The following LRP1B variants were observed in gnomAD, a reference collection of about 807,000 sequenced individuals.
LRP1B encodes the protein LDL receptor related protein 1B.
LRP1B carries 217 observed loss-of-function variants against 556.6 expected under a neutral mutation model. That is an observed-to-expected ratio of 0.39 (90% CI 0.35 to 0.44). LRP1B has a LOEUF of 0.44. Ranked by LOEUF, LRP1B falls within the 20% of genes least tolerant of loss-of-function variation. The pLI, the probability that LRP1B is intolerant of heterozygous loss-of-function variation, is 1.00. For missense variants in LRP1B, 5,053 were observed against 5,620.8 expected (o/e 0.90, Z 3.23); for synonymous variants, 2,047 against 1,865.8 (o/e 1.10, Z -2.50).
chr2:140,894,529 A>C (rs1195065291), intron 23 of LRP1B, among the ~76,000 whole-genome samples: 2 of 105,088 alleles, frequency 1.9e-5, no homozygotes, highest in African/African-American at 2.7e-5. Context: ...AGCCCTGAAG[A>C]CCAAAAAAAA....
At chr2:141,065,429 G>A (rs1268375428) in intron 7 of LRP1B, among the ~76,000 whole-genome samples, 4 of 151,900 alleles carry the variant, frequency 2.6e-5, no homozygotes, top group Non-Finnish European at 5.9e-5. Flanking sequence ...TTCTGATTCA[G>A]AATCTAATTG....
intron 3 of LRP1B, among the ~76,000 whole-genome samples, chr2:141,429,064 G>C (rs1680474053): frequency 6.6e-6 from 1 of 152,050 alleles, no homozygotes; most frequent in Admixed American, 6.5e-5. Context: ...TTACCATACA[G>C]AAGAAAAATT....
chr2:140,903,942 G>T (rs190815245), intron 22 of LRP1B, among the ~76,000 whole-genome samples: 20 of 151,860 alleles, frequency 1.3e-4, no homozygotes, highest in Admixed American at 1.2e-3. Flanking sequence ...TTACACATAT[G>T]ATTACATATA....
At chr2:141,924,212 G>A (rs1030234465) in intron 1 of LRP1B, among the ~76,000 whole-genome samples, 6 of 151,926 alleles carry the variant, frequency 3.9e-5, no homozygotes, top group South Asian at 4.1e-4. Flanking sequence ...ATGGCAGAAC[G>A]GTGTAGCAGG....
At chr2:140,298,771 A>G (rs1300486088) in intron 83 of LRP1B, among the ~76,000 whole-genome samples, 1 of 152,178 alleles carries the variant, frequency 6.6e-6, no homozygotes, top group African/African-American at 2.4e-5. Context: ...TAACTCTTGT[A>G]TATTAGGAAT....
chr2:141,775,297 G>A (rs2105624466), intron 2 of LRP1B, among the ~76,000 whole-genome samples: 1 of 152,318 alleles, frequency 6.6e-6, no homozygotes, highest in Non-Finnish European at 1.5e-5. Context: ...CAAATTAGCT[G>A]TGTGGAAAGC....
Position 141,930,736 on chromosome 2 carries a change from A to G in LRP1B, c.83-120335T>C, listed in dbSNP as rs1700476739. ...CTTCTTATCTGATGAATTTAAGCTCATGGTATTCTAAAAGCAAAAGACTGA... is the reference window on the plus strand; with the variant it reads ...CTTCTTATCTGATGAATTTAAGCTCGTGGTATTCTAAAAGCAAAAGACTGA... On this transcript the variant is annotated intron_variant, in intron 1 of 90. Coordinates refer to ENST00000389484, the MANE Select transcript of LRP1B (RefSeq NM_018557.3). Among the ~76,000 whole-genome samples, 4 of 152,152 alleles carry G rather than the reference A, an allele frequency of 2.6e-5. No homozygotes were observed. The South Asian group carries it at 6.2e-4, about 24-fold the overall frequency.
chr2:140,643,022 CAT>C (rs1199621065), intron 41 of LRP1B, among the ~76,000 whole-genome samples: 4 of 151,938 alleles, frequency 2.6e-5, no homozygotes, highest in Non-Finnish European at 4.4e-5. Context: ...GTTGTGAACA[CAT>C]GTGTTTTATA....
At chr2:141,867,600 T>C (rs1245891692) in intron 1 of LRP1B, among the ~76,000 whole-genome samples, 1 of 152,146 alleles carries the variant, frequency 6.6e-6, no homozygotes, top group African/African-American at 2.4e-5. Context: ...GTGTTGGCAT[T>C]TACATTTTTA....
At chr2:140,629,194 C>T (rs1683787957) in intron 41 of LRP1B, among the ~76,000 whole-genome samples, 2 of 151,428 alleles carry the variant, frequency 1.3e-5, no homozygotes, top group African/African-American at 2.4e-5. Flanking sequence ...GGTGGGACAA[C>T]AGTTGTGCAC....
At chr2:141,131,927 T>C (rs78128069) in intron 7 of LRP1B, among the ~76,000 whole-genome samples, 8,095 of 151,912 alleles carry the variant, frequency 0.053, 311 homozygotes, top group South Asian at 0.11. Flanking sequence ...GATTTTGGTG[T>C]ACCCATCACC....
intron 66 of LRP1B, among the ~76,000 whole-genome samples, chr2:140,417,142 G>C (rs1013322151): frequency 6.6e-6 from 1 of 152,094 alleles, no homozygotes; most frequent in Non-Finnish European, 1.5e-5. Flanking sequence ...TTTTTCAAAA[G>C]AAAAATAAAA....
intron 1 of LRP1B, among the ~76,000 whole-genome samples, chr2:141,919,734 A>C (rs1282300152): frequency 6.6e-6 from 1 of 152,154 alleles, no homozygotes; most frequent in East Asian, 1.9e-4. Context: ...AAAAGAGGTG[A>C]CACATCTTTG....
In LRP1B at chr2:140,510,055, A is replaced by C. The variant is rs746378703; in HGVS notation, c.8271T>G (p.Gly2757=). ...DGLDESDSIC[G]AITCAADMFS... ...ACATGTCAGCAGCACAGGTTATGGC[A>C]CCTGAAACACAAAAACATAATGCCA... Residue 2757 remains glycine, a splice_region_variant and synonymous_variant, in exon 52 of 91, where the codon GGT becomes GGG. Coordinates refer to ENST00000389484, the MANE Select transcript of LRP1B (RefSeq NM_018557.3). 6.2e-7 allele frequency: 1 copy of C among 1,612,906 alleles called. No homozygotes were observed. Among genetic ancestry groups the C allele is most frequent in the South Asian group, 1.1e-5 (1 of 90,932 alleles).
intron 1 of LRP1B, among the ~76,000 whole-genome samples, chr2:141,986,559 T>C (rs557982405): frequency 1.3e-5 from 2 of 151,988 alleles, no homozygotes; most frequent in African/African-American, 4.8e-5. Flanking sequence ...TATCATAGAT[T>C]TGTGAATCTC....
intron 35 of LRP1B, among the ~76,000 whole-genome samples, chr2:140,766,844 TTATA>T (rs369013160): frequency 3.6e-5 from 2 of 54,928 alleles, no homozygotes; most frequent in Non-Finnish European, 8.0e-5. Context: ...TATATATATA[TTATA>T]TATATATATA....
intron 2 of LRP1B, among the ~76,000 whole-genome samples, chr2:141,510,373 A>C (rs181217255): frequency 8.5e-5 from 13 of 152,232 alleles, no homozygotes; most frequent in African/African-American, 1.9e-4. Flanking sequence ...CTCTCAAAAG[A>C]AAGAATTTCC....
chr2:141,528,261 T>C (rs1343482933), intron 2 of LRP1B, among the ~76,000 whole-genome samples: 2 of 151,896 alleles, frequency 1.3e-5, no homozygotes, highest in Non-Finnish European at 2.9e-5. Flanking sequence ...GTATATCTTA[T>C]AATACCCGTT....
Position 140,357,979 on chromosome 2 carries a change from C to A in LRP1B, c.11395G>T (p.Ala3799Ser), listed in dbSNP as rs1682311599. The change falls in exon 74 of 91, where the codon GCT becomes TCT. Residue 3799 changes from alanine (A) to serine (S), a missense_variant and splice_region_variant. By Grantham distance (99) the Ala-to-Ser change is moderately conservative. Around this residue, in one of 5 missense-constraint regions of LRP1B, gnomAD observed 599 missense variants for 648.4 expected, o/e 0.92. Coordinates refer to ENST00000389484, the MANE Select transcript of LRP1B (RefSeq NM_018557.3). ...DGSDEQGCRIAPTEYTCEDNV... is the reference protein window; with the variant it reads ...DGSDEQGCRISPTEYTCEDNV... ...TTTGCTTAACAGAAAACAAGCTCAC[C>A]TATTCTGCATCCTTGCTCATCTGAA... is the stretch of plus-strand genomic sequence containing the variant. 1.2e-6 allele frequency: 2 copies of A among 1,608,340 alleles called. No homozygotes were observed. The highest frequency in any genetic ancestry group is 1.7e-5 in the Admixed American group (1 of 59,774).
Sources: allele counts gnomAD v4.1 joint callset (sites outside exome capture counted in the v4.1 genomes callset), GRCh38; gene constraint gnomAD v4.1.1; regional missense constraint gnomAD v4.1.1; transcripts MANE v1.5; gene names NCBI Gene and HGNC (gene_info 2026-07-23, HGNC 2026-07-21).